The following GRIK2 variants were observed in gnomAD, a reference collection of about 807,000 sequenced individuals.
GRIK2 encodes the protein glutamate ionotropic receptor kainate type subunit 2, also known as glutamate receptor ionotropic, kainate 2.
Under a neutral mutation model 100.3 loss-of-function variants are expected in GRIK2, and 32 were observed. That is an observed-to-expected ratio of 0.32 (90% confidence interval 0.24 to 0.43). The LOEUF is 0.43. Among genes scored for constraint, GRIK2 ranks in the 20% least tolerant of loss-of-function variants. The pLI, the probability that GRIK2 is intolerant of heterozygous loss-of-function variation, is 1.00. For missense variants in GRIK2, 843 were observed against 1,114.9 expected (o/e 0.76, Z 3.47); for synonymous variants, 417 against 389.4 (o/e 1.07, Z -0.83).
At chr6:101,933,601 C>A (rs577013396) in intron 14 of GRIK2, among the ~76,000 whole-genome samples, 1 of 151,886 alleles carries the variant, frequency 6.6e-6, no homozygotes, top group Admixed American at 6.6e-5. Context: ...TGATTATTAT[C>A]TGCTATGTGT....
intron 10 of GRIK2, among the ~76,000 whole-genome samples, chr6:101,823,077 G>T (rs1782060064): frequency 6.6e-6 from 1 of 152,052 alleles, no homozygotes; most frequent in Non-Finnish European, 1.5e-5. Flanking sequence ...CATTATTTAG[G>T]CTACTCTTGC....
chr6:101,698,172 T>G (rs1179270981), intron 7 of GRIK2, among the ~76,000 whole-genome samples: 1 of 152,078 alleles, frequency 6.6e-6, no homozygotes, highest in Admixed American at 6.6e-5. Context: ...GTTGATGCTT[T>G]TTTTTCATGA....
chr6:101,724,200 T>G (rs557458361), intron 7 of GRIK2, among the ~76,000 whole-genome samples: 1 of 148,158 alleles, frequency 6.7e-6, no homozygotes, highest in Non-Finnish European at 1.5e-5. Context: ...AAAATTTAAC[T>G]TTTATTTTAG....
intron 14 of GRIK2, among the ~76,000 whole-genome samples, chr6:102,034,386 G>T (rs1046188949): frequency 3.2e-4 from 48 of 151,344 alleles, no homozygotes; most frequent in African/African-American, 1.0e-3. Context: ...ATATCTATTT[G>T]CTTGAAAAGA....
chr6:101,424,163 AT>A lies in GRIK2; in HGVS notation c.115+24779del, dbSNP rs531531000. 7.3e-5 allele frequency among the ~76,000 whole-genome samples: 11 copies of A among 151,322 alleles called. No individual in the cohort carries two copies. The South Asian group carries it at 8.3e-4, about 11-fold the overall frequency. On this transcript the variant is annotated intron_variant, in intron 2 of 16. Transcript: ENST00000369134. ...TCTATCCAAATTTTTTTTCTTCAGAATTTTTTTTATTTTTTTTTATTATACT... is the reference window on the plus strand; with the variant it reads ...TCTATCCAAATTTTTTTTCTTCAGAATTTTTTTATTTTTTTTTATTATACT...
intron 7 of GRIK2, among the ~76,000 whole-genome samples, chr6:101,782,491 CA>C (rs1277893639): frequency 1.3e-5 from 2 of 152,112 alleles, no homozygotes; most frequent in Non-Finnish European, 2.9e-5. Context: ...TTTCACTTAC[CA>C]TAATGACCTC....
At chr6:101,775,718 C>T (rs115204634) in intron 7 of GRIK2, among the ~76,000 whole-genome samples, 1 of 150,826 alleles carries the variant, frequency 6.6e-6, no homozygotes, top group East Asian at 2.0e-4. Flanking sequence ...AGCTGTATGG[C>T]AAAGTGTGAA....
chr6:101,805,700 A>T (rs528287028), intron 9 of GRIK2, among the ~76,000 whole-genome samples: 2 of 152,062 alleles, frequency 1.3e-5, no homozygotes, highest in Non-Finnish European at 2.9e-5. Context: ...CATTAGACTT[A>T]TAAAATTATA....
intron 14 of GRIK2, among the ~76,000 whole-genome samples, chr6:101,979,013 A>T (rs1396344791): frequency 6.6e-6 from 1 of 152,030 alleles, no homozygotes; most frequent in Non-Finnish European, 1.5e-5. Context: ...TTTGGATAAC[A>T]TATCTTATTT....
rs540495001 is a variant in GRIK2 at position 101,623,698 on chromosome 6, ATAT to A, written c.283+1586_283+1588del. On this transcript the variant is annotated intron_variant, in intron 3 of 16. Transcript: ENST00000369134. ...GATAAAGTCATGTGGTTTGACCAAA[ATAT>A]TATAAGAAATTTACAAGCTTTGTTA... Among the ~76,000 whole-genome samples, 513 of 152,274 alleles carry A rather than the reference ATAT, an allele frequency of 3.4e-3. 3 individuals carry two copies. Among genetic ancestry groups the A allele is most frequent in the Non-Finnish European group, 5.8e-3 (395 of 67,976 alleles).
intron 2 of GRIK2, among the ~76,000 whole-genome samples, chr6:101,424,344 G>C (rs1286374682): frequency 6.8e-6 from 1 of 148,072 alleles, no homozygotes; most frequent in Non-Finnish European, 1.5e-5. Context: ...AACAGGCCCT[G>C]ATGTGTGATG....
At position 102,069,812 on chromosome 6, in the gene GRIK2, A is replaced by G. The variant is rs1772179700; in HGVS notation, c.*1301A>G. The G allele has an allele frequency of 6.6e-6, 1 of 152,024 alleles. No individual in the cohort carries two copies. Among genetic ancestry groups the G allele is most frequent in the Non-Finnish European group, 1.5e-5 (1 of 67,986 alleles). The allele number at this position is 152,024 out of a possible 1,614,324, so 9.4% of individuals were successfully genotyped here. A position where few individuals can be genotyped will look rare whatever the true frequency, so the allele number is the denominator to read the frequency against. ...GCACCACCAACGTTTGGTGAAAACT[A>G]TTTTTATCAAGAAAAAAGGAATCAT... On this transcript the variant is annotated 3_prime_UTR_variant, in exon 17 of 17. Coordinates refer to ENST00000369134, the MANE Select transcript of GRIK2 (RefSeq NM_021956.5).
intron 2 of GRIK2, among the ~76,000 whole-genome samples, chr6:101,535,403 C>T (rs866663507): frequency 6.6e-6 from 1 of 151,680 alleles, no homozygotes; most frequent in Non-Finnish European, 1.5e-5. Context: ...TGATCTAAGG[C>T]ATAATTCTTT....
intron 2 of GRIK2, among the ~76,000 whole-genome samples, chr6:101,476,470 A>G (rs925894472): frequency 3.9e-5 from 6 of 152,158 alleles, no homozygotes; most frequent in African/African-American, 1.4e-4. Flanking sequence ...GTTGATAGAG[A>G]GTGTATTGGA....
intron 12 of GRIK2, among the ~76,000 whole-genome samples, chr6:101,897,085 T>A (rs1284539699): frequency 6.6e-6 from 1 of 151,308 alleles, no homozygotes; most frequent in Non-Finnish European, 1.5e-5. Context: ...TATAAAAAAT[T>A]TTTTTAAAGA....
intron 2 of GRIK2, among the ~76,000 whole-genome samples, chr6:101,616,761 A>G (rs1779913522): frequency 6.6e-6 from 1 of 151,792 alleles, no homozygotes; most frequent in African/African-American, 2.4e-5. Flanking sequence ...TTTTCTATTC[A>G]GCTGTGCTCT....
At chr6:101,816,743 G>A (rs1781656782) in intron 9 of GRIK2, among the ~76,000 whole-genome samples, 1 of 151,984 alleles carries the variant, frequency 6.6e-6, no homozygotes, top group Non-Finnish European at 1.5e-5. Flanking sequence ...AATAGTTTAA[G>A]CAGGTCAACA....
chr6:101,493,778 T>C (rs911168660), intron 2 of GRIK2, among the ~76,000 whole-genome samples: 1 of 151,246 alleles, frequency 6.6e-6, no homozygotes, highest in Non-Finnish European at 1.5e-5. Context: ...TATATTTTAC[T>C]TTAATTATTT....
chr6:101,625,967 G>A (rs942395839), intron 3 of GRIK2, among the ~76,000 whole-genome samples: 1 of 152,102 alleles, frequency 6.6e-6, no homozygotes, highest in African/African-American at 2.4e-5. Flanking sequence ...ACGAGTAAAG[G>A]GGGAACCATG....
Sources: allele counts gnomAD v4.1 joint callset (sites outside exome capture counted in the v4.1 genomes callset), GRCh38; gene constraint gnomAD v4.1.1; transcripts MANE v1.5; gene names NCBI Gene and HGNC (gene_info 2026-07-23, HGNC 2026-07-21).